The following SLC4A10 variants were observed in gnomAD, a reference collection of about 807,000 sequenced individuals.
The protein encoded by SLC4A10 is solute carrier family 4 member 10, also known as sodium-driven chloride bicarbonate exchanger.
Under a neutral mutation model 137.7 loss-of-function variants are expected in SLC4A10, and 42 were observed. The observed-to-expected ratio is 0.30, with a 90% CI of 0.24 to 0.39. SLC4A10 has a LOEUF of 0.39. SLC4A10 is among the 10% of genes least tolerant of loss of function. The pLI is 1.00. For synonymous variants in SLC4A10, 474 were observed against 464.1 expected (o/e 1.02, Z -0.27); for missense variants, 925 against 1,355.0 (o/e 0.68, Z 4.98).
chr2:161,718,570 C>T (rs2045227363), intron 1 of SLC4A10, among the ~76,000 whole-genome samples: 1 of 152,168 alleles, frequency 6.6e-6, no homozygotes, highest in Non-Finnish European at 1.5e-5. Flanking sequence ...AGAAGTCATT[C>T]AGGAGTGGGT....
intron 6 of SLC4A10, among the ~76,000 whole-genome samples, chr2:161,868,274 C>A (rs55736476): frequency 0.061 from 9,195 of 151,636 alleles, 370 homozygotes; most frequent in East Asian, 0.13. Context: ...TAATTAAAGT[C>A]ATGAAATAGT....
At chr2:161,827,691 G>C (rs1193178552) in intron 3 of SLC4A10, among the ~76,000 whole-genome samples, 2 of 151,620 alleles carry the variant, frequency 1.3e-5, no homozygotes, top group East Asian at 3.9e-4. Flanking sequence ...TCAGCCTTCC[G>C]AGTAGCTGGG....
At chr2:161,916,682 C>T (rs149256828) in intron 15 of SLC4A10, among the ~76,000 whole-genome samples, 2 of 152,310 alleles carry the variant, frequency 1.3e-5, no homozygotes, top group East Asian at 3.9e-4. Flanking sequence ...ATATGATTTC[C>T]TGGCCCTTCT....
intron 9 of SLC4A10, among the ~76,000 whole-genome samples, chr2:161,880,614 G>A (rs986018849): frequency 6.6e-6 from 1 of 152,116 alleles, no homozygotes; most frequent in Non-Finnish European, 1.5e-5. Flanking sequence ...AGGATGAACT[G>A]AGCACATTAA....
chr2:161,781,007 TA>T (rs755331714), intron 2 of SLC4A10, among the ~76,000 whole-genome samples: 29 of 151,816 alleles, frequency 1.9e-4, no homozygotes, highest in Non-Finnish European at 4.0e-4. Context: ...CCCCCAACCT[TA>T]AAAAACATAC....
chr2:161,798,676 T>A (rs1372388778), intron 2 of SLC4A10, among the ~76,000 whole-genome samples: 1 of 151,672 alleles, frequency 6.6e-6, no homozygotes, highest in Non-Finnish European at 1.5e-5. Context: ...ATGATGAAAC[T>A]GTATTTTGTC....
rs1253686156 is a variant in SLC4A10 at position 161,650,194 on chromosome 2, A to ATCT, written c.48+25628_48+25629insTCT. On this transcript the variant is annotated intron_variant, in intron 1 of 26. Coordinates refer to ENST00000446997, the MANE Select transcript of SLC4A10 (RefSeq NM_001178015.2). Reference sequence around the variant, plus strand: ...GTTTTTCATGATCTTGATACTTTTGAATAGTACTGGTCAGATATGTTGTAG... The same window carrying ATCT: ...GTTTTTCATGATCTTGATACTTTTGATCTATAGTACTGGTCAGATATGTTGTAG... Among the ~76,000 whole-genome samples the ATCT allele has an allele frequency of 1.2e-3, 176 of 152,360 alleles. 2 individuals are homozygous for ATCT. The South Asian group carries it at 0.02, about 17-fold the overall frequency.
intron 1 of SLC4A10, among the ~76,000 whole-genome samples, chr2:161,760,637 C>G (rs914681057): frequency 1.2e-4 from 19 of 152,016 alleles, no homozygotes; most frequent in Non-Finnish European, 5.9e-5. Context: ...AGCAAAGATT[C>G]ATTTATCTTT....
At position 161,942,838 on chromosome 2, in the gene SLC4A10, G is replaced by A. The variant is rs376393572; in HGVS notation, c.2044G>A (p.Glu682Lys). 6 of 1,605,792 alleles carry A rather than the reference G, an allele frequency of 3.7e-6. No individual in the cohort carries two copies. The highest frequency in any genetic ancestry group is 1.3e-5 in the African/African-American group (1 of 74,804). The change falls in exon 16 of 27, where the codon GAA becomes AAA. Residue 682 changes from glutamate to lysine, a missense_variant. Physicochemically the swap from Glu to Lys is moderately conservative, Grantham distance 56. Coordinates refer to ENST00000446997, the MANE Select transcript of SLC4A10 (RefSeq NM_001178015.2). ...PHNPSNGTLK[E>K]WRESNISASD... ...TAATCCCAGCAATGGCACATTGAAG[G>A]AATGGAGGGAATCCAATATTTCTGC...
At chr2:161,803,785 A>G (rs2055623830) in intron 2 of SLC4A10, among the ~76,000 whole-genome samples, 1 of 152,170 alleles carries the variant, frequency 6.6e-6, no homozygotes, top group African/African-American at 2.4e-5. Context: ...GATAGTACTG[A>G]ACCCTATATA....
chr2:161,639,065 C>G (rs576993449), intron 1 of SLC4A10, among the ~76,000 whole-genome samples: 1 of 151,978 alleles, frequency 6.6e-6, no homozygotes, highest in East Asian at 1.9e-4. Flanking sequence ...ATACAACCTG[C>G]CAAGACTGAA....
At chr2:161,727,790 C>T (rs1403093234) in intron 1 of SLC4A10, among the ~76,000 whole-genome samples, 1 of 152,000 alleles carries the variant, frequency 6.6e-6, no homozygotes, top group South Asian at 2.1e-4. Flanking sequence ...TCTGACATAA[C>T]AGTTCCAGAA....
chr2:161,921,494 G>A (rs1449792173), intron 15 of SLC4A10, among the ~76,000 whole-genome samples: 1 of 152,152 alleles, frequency 6.6e-6, no homozygotes, highest in African/African-American at 2.4e-5. Context: ...TACTGGCTGA[G>A]ACAATGGTAA....
intron 15 of SLC4A10, among the ~76,000 whole-genome samples, chr2:161,940,964 T>C (rs182732075): frequency 3.2e-4 from 48 of 152,090 alleles, no homozygotes; most frequent in African/African-American, 1.1e-3. Context: ...AACAAAAGGC[T>C]ACCACAGCAA....
Position 161,904,178 on chromosome 2 carries a change from A to G in SLC4A10, c.1617A>G (p.Ile539Met). 6.2e-7 allele frequency: 1 copy of G among 1,607,788 alleles called. No homozygotes were observed. Among genetic ancestry groups the G allele is most frequent in the Non-Finnish European group, 8.5e-7 (1 of 1,177,120 alleles). Residue 539 changes from isoleucine (I) to methionine (M), a missense_variant and splice_region_variant, in exon 13 of 27, where the codon ATA (isoleucine) becomes ATG (methionine). Transcript: ENST00000446997. Reference sequence around the variant, plus strand: ...TGGGAGAAGCAACTGAAGGGCGTATAGTATGTATTATGCTTTTCTCTGAAC... The same window carrying G: ...TGGGAGAAGCAACTGAAGGGCGTATGGTATGTATTATGCTTTTCTCTGAAC... ...GLLGEATEGR[I>M]SAIESLFGAS...
intron 11 of SLC4A10, among the ~76,000 whole-genome samples, chr2:161,900,157 T>A (rs186802144): frequency 1.3e-3 from 191 of 152,214 alleles, no homozygotes; most frequent in Non-Finnish European, 8.8e-5. Flanking sequence ...AACTTTCTGA[T>A]TTTTTAAGAA....
At chr2:161,848,168 T>C (rs1055276047) in intron 4 of SLC4A10, among the ~76,000 whole-genome samples, 1 of 152,076 alleles carries the variant, frequency 6.6e-6, no homozygotes, top group African/African-American at 2.4e-5. Flanking sequence ...CTACTTGTAT[T>C]AGTATGTCTT....
chr2:161,950,391 C>A (rs1043493813), intron 18 of SLC4A10, among the ~76,000 whole-genome samples: 1 of 151,956 alleles, frequency 6.6e-6, no homozygotes. Flanking sequence ...GAGTTTAAAT[C>A]CCATCTCTAC....
chr2:161,805,625 G>T (rs1046480840), intron 3 of SLC4A10, among the ~76,000 whole-genome samples: 1 of 152,188 alleles, frequency 6.6e-6, no homozygotes, highest in Admixed American at 6.5e-5. Context: ...AATCCAGCAA[G>T]GCAATCAAAT....
Sources: allele counts gnomAD v4.1 joint callset (sites outside exome capture counted in the v4.1 genomes callset), GRCh38; gene constraint gnomAD v4.1.1; transcripts MANE v1.5; gene names NCBI Gene and HGNC (gene_info 2026-07-23, HGNC 2026-07-21).